The following CADM2 variants were observed in gnomAD, a reference collection of about 807,000 sequenced individuals.
CADM2 encodes the protein immunoglobulin superfamily member 4D.
CADM2 carries 12 observed loss-of-function variants against 49.8 expected under a neutral mutation model. The ratio of observed to expected loss-of-function variants is 0.24; its 90% CI spans 0.15 to 0.39. The LOEUF (loss-of-function observed/expected upper bound fraction) is 0.39, where lower values mean the gene tolerates loss of function less well. CADM2 is among the 10% of genes least tolerant of loss of function. The pLI, the probability that CADM2 is intolerant of heterozygous loss-of-function variation, is 1.00. For missense variants in CADM2, 378 were observed against 492.3 expected, an observed-to-expected ratio of 0.77 and a Z score of 2.20; for synonymous variants, 214 against 175.4, an observed-to-expected ratio of 1.22 and a Z score of -1.74.
intron 7 of CADM2, among the ~76,000 whole-genome samples, chr3:85,944,360 C>G (rs1363878762): frequency 6.6e-6 from 1 of 151,958 alleles, no homozygotes; most frequent in East Asian, 1.9e-4. Flanking sequence ...TTAGACAGAT[C>G]AACGAAACAG....
intron 5 of CADM2, among the ~76,000 whole-genome samples, chr3:85,908,637 T>C (rs1433665737): frequency 2.0e-5 from 3 of 151,994 alleles, no homozygotes; most frequent in Admixed American, 6.6e-5. Context: ...CACCCAATTT[T>C]AAATGTATCG....
chr3:85,189,920 G>A (rs930445536), intron 1 of CADM2, among the ~76,000 whole-genome samples: 1 of 147,596 alleles, frequency 6.8e-6, no homozygotes, highest in Non-Finnish European at 1.5e-5. Flanking sequence ...GTCTCCATAA[G>A]CAGCTTACAC....
chr3:86,067,738 G>T lies in CADM2; in HGVS notation c.*955G>T, dbSNP rs1484204221. The T allele has an allele frequency of 6.6e-6, 1 of 152,424 alleles. No homozygotes were observed. The highest frequency in any genetic ancestry group is 1.5e-5 in the Non-Finnish European group (1 of 67,924). 9.4% of individuals were successfully genotyped at this position (152,424 alleles called of 1,614,324 possible). A position where few individuals can be genotyped will look rare whatever the true frequency, so the allele number is the denominator to read the frequency against. On this transcript the variant is annotated 3_prime_UTR_variant, in exon 10 of 10. Transcript: ENST00000383699. ...TTGGCTGTATGTAATTCAGTCATAA[G>T]TAAGCATTTTCTAACGTCCATTATA...
At position 86,073,003 on chromosome 3, in the gene CADM2, A is replaced by G. The variant is rs759461549; in HGVS notation, c.*6220A>G. 2.0e-5 allele frequency: 3 copies of G among 152,038 alleles called. No individual in the cohort carries two copies. The highest frequency in any genetic ancestry group is 7.2e-5 in the African/African-American group (3 of 41,424). The allele number at this position is 152,038 out of a possible 1,614,324, so 9.4% of individuals were successfully genotyped here. A position where few individuals can be genotyped will look rare whatever the true frequency, so the allele number is the denominator to read the frequency against. On this transcript the variant is annotated 3_prime_UTR_variant, in exon 10 of 10. Transcript: ENST00000383699. ...AATGACGCAGTTAAGTCATCACCCA[A>G]GGATTTATGAATTTGAGATTACTGA... is the stretch of plus-strand genomic sequence containing the variant.
At chr3:85,412,533 CGT>C (rs1559826765) in intron 1 of CADM2, among the ~76,000 whole-genome samples, 2 of 59,116 alleles carry the variant, frequency 3.4e-5, no homozygotes, top group East Asian at 1.3e-3. Flanking sequence ...CTATGTAATT[CGT>C]TTTTTTTTTT....
At chr3:85,049,382 A>C (rs994831837) in intron 1 of CADM2, among the ~76,000 whole-genome samples, 4 of 148,228 alleles carry the variant, frequency 2.7e-5, no homozygotes, top group African/African-American at 1.0e-4. Context: ...ATGGAGTCTC[A>C]CACAGTCATC....
At chr3:85,346,860 A>AT (rs1313196016) in intron 1 of CADM2, among the ~76,000 whole-genome samples, 1 of 152,236 alleles carries the variant, frequency 6.6e-6, no homozygotes, top group African/African-American at 2.4e-5. Flanking sequence ...TTAAAACAGC[A>AT]TTCACACTGT....
intron 1 of CADM2, among the ~76,000 whole-genome samples, chr3:85,508,895 A>G (rs888011918): frequency 1.3e-5 from 2 of 151,976 alleles, no homozygotes; most frequent in African/African-American, 4.8e-5. Flanking sequence ...TGTTTACCAG[A>G]AACAGTGGCT....
intron 1 of CADM2, among the ~76,000 whole-genome samples, chr3:85,009,486 T>G (rs1358913721): frequency 6.6e-6 from 1 of 152,322 alleles, no homozygotes; most frequent in Middle Eastern, 3.4e-3. Flanking sequence ...TGGACCAAAT[T>G]ACATTGATTC....
intron 1 of CADM2, among the ~76,000 whole-genome samples, chr3:85,540,527 T>C (rs1410745398): frequency 6.6e-6 from 1 of 152,194 alleles, no homozygotes; most frequent in Non-Finnish European, 1.5e-5. Context: ...TTCATGCCAG[T>C]GGATATGTAA....
intron 1 of CADM2, among the ~76,000 whole-genome samples, chr3:85,216,645 G>T (rs998075773): frequency 1.3e-5 from 2 of 151,918 alleles, no homozygotes; most frequent in East Asian, 1.9e-4. Flanking sequence ...TGCTCTGGCT[G>T]TTGTTTCAGT....
chr3:86,064,671 A>G (rs1249059014), intron 8 of CADM2, among the ~76,000 whole-genome samples: 1 of 152,208 alleles, frequency 6.6e-6, no homozygotes, highest in Admixed American at 6.5e-5. Flanking sequence ...ATCACTGGCC[A>G]TCAGAGAAAT....
At chr3:85,415,720 A>G (rs2035890683) in intron 1 of CADM2, among the ~76,000 whole-genome samples, 1 of 152,156 alleles carries the variant, frequency 6.6e-6, no homozygotes, top group South Asian at 2.1e-4. Context: ...TGTACTTCAA[A>G]CAAAATTTTT....
At chr3:85,798,541 C>G (rs2071769351) in intron 2 of CADM2, among the ~76,000 whole-genome samples, 1 of 152,138 alleles carries the variant, frequency 6.6e-6, no homozygotes, top group Non-Finnish European at 1.5e-5. Flanking sequence ...TTCCCCATTG[C>G]TTCTTTTTGT....
chr3:85,165,567 T>C (rs1157176953), intron 1 of CADM2, among the ~76,000 whole-genome samples: 1 of 151,884 alleles, frequency 6.6e-6, no homozygotes, highest in Non-Finnish European at 1.5e-5. Context: ...ACTTACACTT[T>C]TGATAGTTAA....
chr3:86,040,758 G>A (rs1319389490), intron 8 of CADM2, among the ~76,000 whole-genome samples: 1 of 152,056 alleles, frequency 6.6e-6, no homozygotes, highest in African/African-American at 2.4e-5. Context: ...CTCGAGAAGA[G>A]CAACTCCAAG....
chr3:85,124,973 C>T (rs565039808), intron 1 of CADM2, among the ~76,000 whole-genome samples: 8 of 152,178 alleles, frequency 5.3e-5, no homozygotes, highest in African/African-American at 1.9e-4. Flanking sequence ...CACAAAGGGG[C>T]AGAGAATTTG....
chr3:85,280,363 G>T (rs1471656868), intron 1 of CADM2, among the ~76,000 whole-genome samples: 2 of 150,538 alleles, frequency 1.3e-5, no homozygotes, highest in African/African-American at 2.4e-5. Flanking sequence ...CTCATAACTT[G>T]CATCTGTCAT....
At chr3:86,016,695 C>A (rs1164203961) in intron 8 of CADM2, among the ~76,000 whole-genome samples, 1 of 152,064 alleles carries the variant, frequency 6.6e-6, no homozygotes, top group African/African-American at 2.4e-5. Context: ...ATCTTAACCT[C>A]CTGAATTCAG....
Sources: allele counts gnomAD v4.1 joint callset (sites outside exome capture counted in the v4.1 genomes callset), GRCh38; gene constraint gnomAD v4.1.1; transcripts MANE v1.5; gene names NCBI Gene and HGNC (gene_info 2026-07-23, HGNC 2026-07-21).